Variants in C8A observed in about 807,000 individuals in gnomAD.
The protein encoded by C8A is complement C8 alpha chain, also known as complement component C8 alpha chain.
A neutral mutation model predicts 65.3 loss-of-function variants in C8A; 67 were observed. The ratio of observed to expected loss-of-function variants is 1.03; its 90% CI spans 0.84 to 1.26. The LOEUF (loss-of-function observed/expected upper bound fraction) is 1.26. C8A is among the 50% of genes most tolerant of loss of function. The pLI, the probability that C8A is intolerant of heterozygous loss-of-function variation, is 0.00. For missense variants in C8A, 781 were observed against 723.9 expected, an observed-to-expected ratio of 1.08 and a Z score of -0.90; for synonymous variants, 290 against 259.4, an observed-to-expected ratio of 1.12 and a Z score of -1.13.
intron 1 of C8A, among the ~76,000 whole-genome samples, 180 bp from the exon 2 acceptor site, chr1:56,867,429 C>G (rs1199379454): frequency 6.6e-6 from 1 of 152,060 alleles, no homozygotes; most frequent in African/African-American, 2.4e-5. Flanking sequence ...TTATATAAAC[C>G]CTCTAGCACC....
At chr1:56,899,090 G>A (rs1409187809) in intron 7 of C8A, among the ~76,000 whole-genome samples, 1 of 152,018 alleles carries the variant, frequency 6.6e-6, no homozygotes, top group Admixed American at 6.6e-5. Context: ...CAGTCTTCAC[G>A]GTGATGGATG....
intron 2 of C8A, among the ~76,000 whole-genome samples, chr1:56,874,145 C>T (rs532052404): frequency 1.3e-5 from 2 of 152,234 alleles, no homozygotes; most frequent in African/African-American, 4.8e-5. Context: ...CCACAGTTTC[C>T]AACAATTCCA....
chr1:56,892,201 C>T (rs938246339), intron 7 of C8A, among the ~76,000 whole-genome samples: 1 of 152,096 alleles, frequency 6.6e-6, no homozygotes, highest in South Asian at 2.1e-4. Context: ...GTCCTTCTCA[C>T]CCTAAACCCT....
intron 10 of C8A, among the ~76,000 whole-genome samples, chr1:56,912,897 T>C (rs935077082): frequency 7.9e-5 from 12 of 152,196 alleles, no homozygotes; most frequent in Admixed American, 3.3e-4. Context: ...ACTAGTTTCC[T>C]AGGGCTACCA....
chr1:56,896,968 A>G (rs1287809382), intron 7 of C8A, among the ~76,000 whole-genome samples: 2 of 152,204 alleles, frequency 1.3e-5, no homozygotes, highest in African/African-American at 4.8e-5. Context: ...GAGGACCACC[A>G]GGCACTGAAA....
chr1:56,913,655 A>C (rs1206568946), intron 10 of C8A, among the ~76,000 whole-genome samples: 1 of 146,958 alleles, frequency 6.8e-6, no homozygotes, highest in Non-Finnish European at 1.5e-5. Flanking sequence ...CAGGCACATA[A>C]AACTGTTTGT....
At chr1:56,881,915 T>A (rs1051239321) in intron 5 of C8A, among the ~76,000 whole-genome samples, 1 of 152,120 alleles carries the variant, frequency 6.6e-6, no homozygotes, top group African/African-American at 2.4e-5. Context: ...AGACAACCTA[T>A]TTCTAAGTTG....
In C8A at chr1:56,908,196, A is replaced by T. The variant is rs534635393; in HGVS notation, c.1380+83A>T. On this transcript the variant is annotated intron_variant, in intron 9 of 10. Coordinates refer to ENST00000361249, the MANE Select transcript of C8A (RefSeq NM_000562.3). The stretch of plus-strand genomic sequence containing the variant: ...ACCAGATCATTTCATATTTCTTATT[A>T]TGAGCCCATCAAAGAACAAGATTAA... 1.4e-3 allele frequency: 1,959 copies of T among 1,430,382 alleles called. 3 individuals are homozygous for T. Among genetic ancestry groups the T allele is most frequent in the Non-Finnish European group, 1.8e-3 (1,840 of 1,016,536 alleles). 88.6% of individuals were successfully genotyped at this position (1,430,382 alleles called of 1,614,324 possible).
intron 1 of C8A, among the ~76,000 whole-genome samples, chr1:56,864,371 A>G (rs1644063631): frequency 6.6e-6 from 1 of 152,174 alleles, no homozygotes. Context: ...CTGGTTATAA[A>G]GGTAAATAAA....
At chr1:56,900,921 A>T (rs993672789) in intron 7 of C8A, among the ~76,000 whole-genome samples, 2 of 152,200 alleles carry the variant, frequency 1.3e-5, no homozygotes, top group African/African-American at 4.8e-5. Context: ...AAGCACAGGG[A>T]TACACTGGAA....
At chr1:56,873,899 C>T (rs1644171871) in intron 2 of C8A, among the ~76,000 whole-genome samples, 3 of 152,198 alleles carry the variant, frequency 2.0e-5, no homozygotes, top group Admixed American at 1.3e-4. Context: ...TAGTTTTCAG[C>T]TTCCTTCTTC....
Position 56,858,466 on chromosome 1 carries a change from G to A in C8A, c.77+3488G>A, listed in dbSNP as rs182879904. 2.6e-5 allele frequency among the ~76,000 whole-genome samples: 4 copies of A among 152,272 alleles called. No homozygotes were observed. The East Asian group carries it at 7.7e-4, about 29-fold the overall frequency. Reference sequence around the variant, plus strand: ...TTCCTTAGGGGAATTTAAAAAATGTGAATGAAGACCCCAAACATAGAGGAC... The same window carrying A: ...TTCCTTAGGGGAATTTAAAAAATGTAAATGAAGACCCCAAACATAGAGGAC... On this transcript the variant is annotated intron_variant, in intron 1 of 10. Transcript: ENST00000361249.
chr1:56,895,309 C>T lies in C8A; in HGVS notation c.1096+9142C>T, dbSNP rs1431007323. Among the ~76,000 whole-genome samples the T allele has an allele frequency of 3.3e-5, 5 of 152,092 alleles. No individual in the cohort carries two copies. The East Asian group carries it at 7.7e-4, about 23-fold the overall frequency. The stretch of plus-strand genomic sequence containing the variant: ...CATTAGGGTAAACACCTTAAATGCA[C>T]CATCTCATTTAATTCTCAGGAGAGA... On this transcript the variant is annotated intron_variant, in intron 7 of 10. Transcript: ENST00000361249.
At position 56,854,829 on chromosome 1, in the gene C8A, T is replaced by C. The variant is rs1570306543; in HGVS notation, c.-73T>C. On this transcript the variant is annotated 5_prime_UTR_variant, in exon 1 of 11. Coordinates refer to ENST00000361249, the MANE Select transcript of C8A (RefSeq NM_000562.3). ...TCTTACAGGTCCCAGCCTGTAGACA[T>C]CTTTTACTCCAATTTCCTGAATAGA... is the stretch of plus-strand genomic sequence containing the variant. 2 of 1,306,844 alleles carry C rather than the reference T, an allele frequency of 1.5e-6. No individual in the cohort carries two copies. Among genetic ancestry groups the C allele is most frequent in the East Asian group, 2.4e-5 (1 of 42,010 alleles). 81.0% of individuals were successfully genotyped at this position (1,306,844 alleles called of 1,614,324 possible). A position where few individuals can be genotyped will look rare whatever the true frequency, so the allele number is the denominator to read the frequency against.
intron 6 of C8A, among the ~76,000 whole-genome samples, chr1:56,884,979 G>T (rs1202614348): frequency 1.3e-5 from 2 of 151,986 alleles, no homozygotes; most frequent in African/African-American, 4.8e-5. Context: ...GTTTTTAATG[G>T]ATATGTAATA....
At position 56,917,542 on chromosome 1, in the gene C8A, T is replaced by G. The variant is rs774916554; in HGVS notation, c.1604-23T>G. On this transcript the variant is annotated intron_variant, in intron 10 of 10. Transcript: ENST00000361249. ...TCTTAGCCATATGCTAACCTTCTCCTCCCTGGGAAATTTCCTCTGCAGGAG... is the reference window on the plus strand; with the variant it reads ...TCTTAGCCATATGCTAACCTTCTCCGCCCTGGGAAATTTCCTCTGCAGGAG... 4.3e-6 allele frequency: 7 copies of G among 1,613,902 alleles called. No homozygotes were observed. In the Admixed American group the frequency reaches 1.2e-4, roughly 27 times the overall value.
At chr1:56,883,412 A>G in intron 5 of C8A, 69 bp from the exon 6 acceptor site, 1 of 1,339,354 alleles carries the variant, frequency 7.5e-7, no homozygotes. Context: ...GCAAAGATTT[A>G]AGTATTAAAT....
intron 5 of C8A, among the ~76,000 whole-genome samples, 161 bp downstream of exon 5, chr1:56,881,795 G>A (rs567781646): frequency 4.8e-4 from 73 of 152,266 alleles, no homozygotes; most frequent in African/African-American, 1.7e-3. Flanking sequence ...GCTTAGTGTC[G>A]AAGGGTGCTG....
chr1:56,871,070 A>G lies in C8A; in HGVS notation c.171+3368A>G, dbSNP rs117356090. ...GAAAATAGGGAATCAATGGGAATGA[A>G]CCTTATGGCTTGCACCATAATTCCC... On this transcript the variant is annotated intron_variant, in intron 2 of 10. Transcript: ENST00000361249. Among the ~76,000 whole-genome samples the G allele has an allele frequency of 5.3e-5, 8 of 152,314 alleles. No homozygotes were observed. In the East Asian group the frequency reaches 1.5e-3, roughly 29 times the overall value.
Sources: allele counts gnomAD v4.1 joint callset (sites outside exome capture counted in the v4.1 genomes callset), GRCh38; gene constraint gnomAD v4.1.1; transcripts MANE v1.5; gene names NCBI Gene and HGNC (gene_info 2026-07-23, HGNC 2026-07-21).